DCHS2: variants seen among roughly 807,000 people sequenced by gnomAD.
DCHS2 encodes the protein protocadherin-23.
Under a neutral mutation model 182.4 loss-of-function variants are expected in DCHS2, and 142 were observed. The observed-to-expected ratio is 0.78, with a 90% CI of 0.68 to 0.89. The LOEUF is 0.89. Ranked by LOEUF, DCHS2 falls within the 40% of genes least tolerant of loss-of-function variation. The pLI, the probability that DCHS2 is intolerant of heterozygous loss-of-function variation, is 0.00. For missense variants in DCHS2, 4,319 were observed against 4,198.6 expected, an observed-to-expected ratio of 1.03 and a Z score of -0.79; for synonymous variants, 1,740 against 1,663.3, an observed-to-expected ratio of 1.05 and a Z score of -1.12.
chr4:154,461,719 T>G (rs1233282494), intron 1 of DCHS2, among the ~76,000 whole-genome samples: 1 of 151,960 alleles, frequency 6.6e-6, no homozygotes, highest in African/African-American at 2.4e-5. Flanking sequence ...AGATGTTGCC[T>G]TTTTTTTCCT....
chr4:154,440,828 C>A (rs1452920460), intron 1 of DCHS2, among the ~76,000 whole-genome samples: 1 of 152,146 alleles, frequency 6.6e-6, no homozygotes, highest in Non-Finnish European at 1.5e-5. Context: ...AAAAAAATCA[C>A]AATTGAACCC....
intron 1 of DCHS2, among the ~76,000 whole-genome samples, chr4:154,432,436 T>C (rs1409373016): frequency 6.6e-6 from 1 of 152,140 alleles, no homozygotes; most frequent in Non-Finnish European, 1.5e-5. Context: ...AAAAGTTGTG[T>C]TGTAATAACA....
chr4:154,272,183 T>C (rs1733632055), intron 13 of DCHS2: 1 of 152,150 alleles, frequency 6.6e-6, no homozygotes, highest in South Asian at 2.1e-4. Flanking sequence ...GGCATTTGAA[T>C]TATTTCCAGT....
rs1178229481 is a variant in DCHS2, at chr4:154,490,913, C to A, written c.443G>T (p.Gly148Val). 2 of 1,551,314 alleles carry A rather than the reference C, an allele frequency of 1.3e-6. No individual in the cohort carries two copies. Among genetic ancestry groups the A allele is most frequent in the Admixed American group, 3.9e-5 (2 of 51,012 alleles). Residue 148 changes from glycine (G) to valine (V), a missense_variant, in exon 1 of 20, where the codon GGC becomes GTC. Gly to Val is a moderately radical substitution (Grantham distance 109). Coordinates refer to ENST00000357232, the MANE Select transcript of DCHS2 (RefSeq NM_001358235.2). ...GCGAATCTCCACCTGCACCACAGCG[C>A]CCAGCAGCGTGGCGGCGACGAAGCT... ...HYSFVAATLL[G>V]AVVQVEIRVN... is the part of the protein sequence containing the mutation.
intron 2 of DCHS2, among the ~76,000 whole-genome samples, 181 bp downstream of exon 2, chr4:154,377,072 A>T (rs1369564410): frequency 6.6e-6 from 1 of 152,168 alleles, no homozygotes; most frequent in Non-Finnish European, 1.5e-5. Flanking sequence ...GATATTCTTG[A>T]ATTATTTATG....
At chr4:154,470,700 CT>C (rs1215475048) in intron 1 of DCHS2, among the ~76,000 whole-genome samples, 1 of 152,048 alleles carries the variant, frequency 6.6e-6, no homozygotes, top group Non-Finnish European at 1.5e-5. Flanking sequence ...TGGAAAAGTC[CT>C]AAAAGTTTAA....
In DCHS2 at chr4:154,489,672, T is replaced by C. The variant is rs988051867; in HGVS notation, c.1684A>G (p.Ser562Gly). 1 of 1,551,652 alleles carries C rather than the reference T, an allele frequency of 6.4e-7. No individual in the cohort carries two copies. The highest frequency in any genetic ancestry group is 8.7e-7 in the Non-Finnish European group (1 of 1,146,956). ...AAPGTVVMWV[S>G]ASDADEAGSD... ...CCTGCCTCGTCGGCATCGGAGGCGC[T>C]GACCCACATGACTACAGTGCCAGGG... The change falls in exon 1 of 20, where the codon AGC (serine) becomes GGC (glycine). Residue 562 changes from serine (S) to glycine (G), a missense_variant. Coordinates refer to ENST00000357232, the MANE Select transcript of DCHS2 (RefSeq NM_001358235.2).
At chr4:154,431,848 C>T (rs894225786) in intron 1 of DCHS2, among the ~76,000 whole-genome samples, 5 of 120,786 alleles carry the variant, frequency 4.1e-5, no homozygotes, top group South Asian at 2.5e-4. Context: ...CATCCCAAGC[C>T]GAATGCCCAA....
chr4:154,238,655 C>T (rs1229569564), intron 19 of DCHS2, among the ~76,000 whole-genome samples: 1 of 152,172 alleles, frequency 6.6e-6, no homozygotes, highest in Admixed American at 6.5e-5. Flanking sequence ...AACCAAAACA[C>T]CACAGTGGTT....
At chr4:154,425,416 G>A (rs112461225) in intron 1 of DCHS2, among the ~76,000 whole-genome samples, 247 of 152,272 alleles carry the variant, frequency 1.6e-3, no homozygotes, top group African/African-American at 5.7e-3. Context: ...TTAATCTACC[G>A]AGGTCACTTG....
chr4:154,359,393 C>T (rs986691866), intron 3 of DCHS2, among the ~76,000 whole-genome samples: 2 of 151,814 alleles, frequency 1.3e-5, no homozygotes, highest in Non-Finnish European at 2.9e-5. Flanking sequence ...AATAAAATAT[C>T]CTGGAAAATG....
At chr4:154,473,210 C>T (rs1735546281) in intron 1 of DCHS2, among the ~76,000 whole-genome samples, 1 of 152,154 alleles carries the variant, frequency 6.6e-6, no homozygotes, top group Non-Finnish European at 1.5e-5. Context: ...CTGACCACTC[C>T]AACTCTATGT....
rs756678068 is a variant in DCHS2, at chr4:154,236,673, T to C, written c.7979A>G (p.Asp2660Gly). 3.1e-6 allele frequency: 5 copies of C among 1,614,046 alleles called. No homozygotes were observed. Among genetic ancestry groups the C allele is most frequent in the East Asian group, 2.2e-5 (1 of 44,860 alleles). The change falls in exon 20 of 20, where the codon GAC becomes GGC. Residue 2660 changes from aspartate (D) to glycine (G), a missense_variant. Transcript: ENST00000357232. ...VISIQVLDVNDNPPNFSSLSY... is the reference protein window; with the variant it reads ...VISIQVLDVNGNPPNFSSLSY... The stretch of plus-strand genomic sequence containing the variant: ...CAGGCTGCTGAAGTTTGGGGGATTG[T>C]CATTGACATCAAGTACTTGTATTGA...
intron 14 of DCHS2, among the ~76,000 whole-genome samples, chr4:154,263,597 C>A (rs1359702386): frequency 6.6e-6 from 1 of 150,798 alleles, no homozygotes; most frequent in Admixed American, 6.6e-5. Context: ...AAGGTGAGAA[C>A]CCACAAAAGG....
chr4:154,396,675 G>A (rs569045083), intron 1 of DCHS2, among the ~76,000 whole-genome samples: 304 of 152,144 alleles, frequency 2.0e-3, no homozygotes, highest in Non-Finnish European at 3.1e-3. Flanking sequence ...ACAATCCACT[G>A]TTTCACACAC....
At chr4:154,449,979 C>G (rs1002071255) in intron 1 of DCHS2, among the ~76,000 whole-genome samples, 1 of 152,182 alleles carries the variant, frequency 6.6e-6, no homozygotes, top group African/African-American at 2.4e-5. Flanking sequence ...ACCAGCTTAG[C>G]CTTACCCTGT....
intron 3 of DCHS2, among the ~76,000 whole-genome samples, chr4:154,364,103 A>T (rs1392094709): frequency 6.6e-6 from 1 of 152,228 alleles, no homozygotes; most frequent in Non-Finnish European, 1.5e-5. Context: ...GGCTATTTCC[A>T]TATAAATTTG....
chr4:154,418,144 A>G (rs1732952062), intron 1 of DCHS2, among the ~76,000 whole-genome samples: 1 of 152,256 alleles, frequency 6.6e-6, no homozygotes, highest in East Asian at 1.9e-4. Context: ...ATAATTTTAA[A>G]TGCACCTGTA....
chr4:154,320,727 TC>T lies in DCHS2; in HGVS notation c.4671del (p.Asn1558IlefsTer12). On this transcript the variant is annotated frameshift_variant, in exon 9 of 20. Transcript: ENST00000357232. LOFTEE classifies it high-confidence loss of function. ...QYYIESHNPGTNPFLIHPSFG... is the reference protein window; with the variant it reads ...QYYIESHNPGXNPFLIHPSFG... Reference sequence around the variant, plus strand: ...AATGAGGGGTGGATGAGAAATGGATTCGTGCCAGGGTTGTGGGATTCAATGT... The same window carrying T: ...AATGAGGGGTGGATGAGAAATGGATTGTGCCAGGGTTGTGGGATTCAATGT... The T allele has an allele frequency of 1.2e-6, 2 of 1,614,150 alleles. No individual in the cohort carries two copies. The highest frequency in any genetic ancestry group is 1.7e-6 in the Non-Finnish European group (2 of 1,180,018).
Sources: allele counts gnomAD v4.1 joint callset (sites outside exome capture counted in the v4.1 genomes callset), GRCh38; gene constraint gnomAD v4.1.1; transcripts MANE v1.5; gene names NCBI Gene and HGNC (gene_info 2026-07-23, HGNC 2026-07-21).